TARS3: variants seen among roughly 807,000 people sequenced by gnomAD.
TARS3 encodes the protein threonyl-tRNA synthetase 3, also known as threonine--tRNA ligase 2, cytoplasmic.
In TARS3, 94 loss-of-function variants were observed where a neutral mutation model predicts 103.5. The ratio of observed to expected loss-of-function variants is 0.91; its 90% CI spans 0.77 to 1.08. The LOEUF (loss-of-function observed/expected upper bound fraction) is 1.08, where lower values mean the gene tolerates loss of function less well. TARS3 is among the 50% of genes least tolerant of loss of function. The probability of loss-of-function intolerance (pLI) is 0.00; values close to 1 mark genes in which losing one functional copy is unlikely to be tolerated. For synonymous variants in TARS3, 416 were observed against 355.4 expected (o/e 1.17, Z -1.92); for missense variants, 952 against 995.2 (o/e 0.96, Z 0.58).
chr15:101,665,967 G>A (rs183178924), intron 15 of TARS3, among the ~76,000 whole-genome samples: 8 of 152,130 alleles, frequency 5.3e-5, no homozygotes, highest in Admixed American at 2.6e-4. Flanking sequence ...GATAGAACTC[G>A]GGAGCCCCTC....
At chr15:101,673,128 T>A (rs1262395681) in intron 13 of TARS3, among the ~76,000 whole-genome samples, 1 of 152,186 alleles carries the variant, frequency 6.6e-6, no homozygotes, top group African/African-American at 2.4e-5. Flanking sequence ...CCTCAGTGAT[T>A]TCCAGGCCAG....
intron 7 of TARS3, among the ~76,000 whole-genome samples, chr15:101,704,651 T>A (rs1470067032): frequency 1.7e-4 from 22 of 130,868 alleles, no homozygotes; most frequent in Non-Finnish European, 3.2e-5. Context: ...CAAGACTCCA[T>A]CTCAAAAAAT....
intron 13 of TARS3, among the ~76,000 whole-genome samples, 183 bp from the exon 14 acceptor site, chr15:101,671,931 C>T (rs1487340217): frequency 6.6e-6 from 1 of 152,092 alleles, no homozygotes; most frequent in African/African-American, 2.4e-5. Flanking sequence ...AAGGTGGCAC[C>T]TGCTCTCAAA....
At chr15:101,707,688 C>A (rs1899639180) in intron 6 of TARS3, among the ~76,000 whole-genome samples, 1 of 148,798 alleles carries the variant, frequency 6.7e-6, no homozygotes. Flanking sequence ...TGGCCAGGGG[C>A]TGGGGGCAGG....
chr15:101,709,586 C>G (rs1279099474), intron 5 of TARS3, among the ~76,000 whole-genome samples: 1 of 152,200 alleles, frequency 6.6e-6, no homozygotes, highest in Non-Finnish European at 1.5e-5. Context: ...TCCTGCCCAC[C>G]TGCCTGTCAT....
rs763650941 is a variant in TARS3, at chr15:101,654,570, C to T, written c.*12G>A. On this transcript the variant is annotated 3_prime_UTR_variant, in exon 19 of 19. Transcript: ENST00000335968. ...AACAAAGTTACACAGAAGCAAATAT[C>T]AGGGAAGGACTTCAAAAGGCCTCCT... is the stretch of plus-strand genomic sequence containing the variant. The T allele has an allele frequency of 3.1e-6, 5 of 1,604,680 alleles. No homozygotes were observed. The highest frequency in any genetic ancestry group is 4.2e-6 in the Non-Finnish European group (5 of 1,177,638).
intron 18 of TARS3, chr15:101,655,820 G>A: frequency 8.1e-7 from 1 of 1,234,000 alleles, no homozygotes; most frequent in Non-Finnish European, 1.0e-6. Flanking sequence ...GGGTGCAGAT[G>A]AGAGCGGGGA....
rs1898008619 is a variant in TARS3 at position 101,675,977 on chromosome 15, G to A, written c.1651-240C>T. Among the ~76,000 whole-genome samples, 2 of 152,240 alleles carry A rather than the reference G, an allele frequency of 1.3e-5. 1 individual carries two copies. The highest frequency in any genetic ancestry group is 2.9e-5 in the Non-Finnish European group (2 of 68,042). On this transcript the variant is annotated intron_variant, in intron 12 of 18. Transcript: ENST00000335968. ...CTGTGAAAAGGCAGCGCCGCGCACA[G>A]GAGAGCGGCACGGAGGGGCTGCCCA...
chr15:101,679,987 C>T (rs1898194106), intron 12 of TARS3, among the ~76,000 whole-genome samples: 1 of 152,156 alleles, frequency 6.6e-6, no homozygotes, highest in Non-Finnish European at 1.5e-5. Flanking sequence ...TTCCACTAGA[C>T]GTCTTCTGAC....
At chr15:101,692,706 G>A (rs865835270) in intron 10 of TARS3, among the ~76,000 whole-genome samples, 17 of 152,334 alleles carry the variant, frequency 1.1e-4, no homozygotes, top group Middle Eastern at 6.8e-3. Flanking sequence ...TGATGGAGGG[G>A]AAGGGATTCT....
intron 15 of TARS3, among the ~76,000 whole-genome samples, chr15:101,667,291 A>G (rs1170932574): frequency 6.6e-6 from 1 of 152,206 alleles, no homozygotes; most frequent in African/African-American, 2.4e-5. Flanking sequence ...CTGAATGGTA[A>G]ATGAGCACTG....
rs754236158 is a variant in TARS3, at chr15:101,671,548, A to C, written c.1905T>G (p.His635Gln). Residue 635 changes from histidine (H) to glutamine (Q), a missense_variant, in exon 15 of 19, where the codon CAT becomes CAG. By Grantham distance (24) the His-to-Gln change is conservative. Coordinates refer to ENST00000335968, the MANE Select transcript of TARS3 (RefSeq NM_152334.3). Reference sequence around the variant, plus strand: ...AGTCCAGCTGAATTGTAGCACATTGATGGTATCTGCCAATAGCATCCTTGA... The same window carrying C: ...AGTCCAGCTGAATTGTAGCACATTGCTGGTATCTGCCAATAGCATCCTTGA... ...IKIKDAIGRYHQCATIQLDFQ... is the reference protein window; with the variant it reads ...IKIKDAIGRYQQCATIQLDFQ... 7.4e-6 allele frequency: 12 copies of C among 1,612,036 alleles called. No homozygotes were observed. The highest frequency in any genetic ancestry group is 5.0e-5 in the Admixed American group (3 of 59,990).
intron 4 of TARS3, 149 bp from the exon 5 acceptor site, chr15:101,712,150 G>A: frequency 3.6e-6 from 3 of 827,214 alleles, no homozygotes; most frequent in Non-Finnish European, 5.5e-6. Context: ...AATCTTCGAT[G>A]CCCACTTAGA....
chr15:101,691,610 A>T (rs192008093), intron 10 of TARS3, among the ~76,000 whole-genome samples: 8 of 152,266 alleles, frequency 5.3e-5, no homozygotes, highest in Admixed American at 2.6e-4. Flanking sequence ...ATTTTATTTC[A>T]CATATTTGAG....
intron 16 of TARS3, among the ~76,000 whole-genome samples, chr15:101,660,080 A>C (rs1466114498): frequency 6.6e-6 from 1 of 152,184 alleles, no homozygotes; most frequent in Non-Finnish European, 1.5e-5. Context: ...ATGGCAAGGA[A>C]AGGTGATGCA....
At chr15:101,697,273 C>T (rs1020025095) in intron 10 of TARS3, among the ~76,000 whole-genome samples, 1 of 152,080 alleles carries the variant, frequency 6.6e-6, no homozygotes, top group African/African-American at 2.4e-5. Flanking sequence ...ATAACAATAA[C>T]CTAAAACATG....
intron 10 of TARS3, among the ~76,000 whole-genome samples, chr15:101,687,161 G>C (rs910780265): frequency 6.6e-6 from 1 of 152,010 alleles, no homozygotes; most frequent in Non-Finnish European, 1.5e-5. Context: ...CCAGCACTTT[G>C]GGAGGCCAAG....
At chr15:101,668,644 G>A (rs538618042) in intron 15 of TARS3, among the ~76,000 whole-genome samples, 6 of 152,124 alleles carry the variant, frequency 3.9e-5, no homozygotes, top group Admixed American at 6.5e-5. Flanking sequence ...AAAATGCAAC[G>A]TCTGCGAAGT....
chr15:101,707,437 CAA>C (rs1300853522), intron 6 of TARS3, among the ~76,000 whole-genome samples: 1 of 152,174 alleles, frequency 6.6e-6, no homozygotes, highest in Non-Finnish European at 1.5e-5. Context: ...AGAAGCAACC[CAA>C]GTGTTTACAG....
Sources: gnomAD v4.1 joint callset for allele counts (sites outside exome capture counted in the v4.1 genomes callset) on GRCh38, gnomAD v4.1.1 for gene constraint, MANE v1.5 for transcripts, NCBI Gene and HGNC (gene_info 2026-07-23, HGNC 2026-07-21) for gene names.